The following DPYD variants were observed in gnomAD, a reference collection of about 807,000 sequenced individuals.
DPYD encodes the protein dihydropyrimidine dehydrogenase [NADP(+)].
Under a neutral mutation model 116.2 loss-of-function variants are expected in DPYD, and 109 were observed. That is an observed-to-expected ratio of 0.94 (90% CI 0.80 to 1.10). DPYD has a LOEUF of 1.10. Ranked by LOEUF, DPYD falls within the 50% of genes least tolerant of loss-of-function variation. DPYD has a pLI of 0.00. For missense variants in DPYD, 1,302 were observed against 1,254.5 expected (o/e 1.04, Z -0.57); for synonymous variants, 440 against 432.0 (o/e 1.02, Z -0.23).
At chr1:97,436,036 C>G (rs1405184678) in intron 14 of DPYD, among the ~76,000 whole-genome samples, 1 of 151,958 alleles carries the variant, frequency 6.6e-6, no homozygotes, top group Non-Finnish European at 1.5e-5. Flanking sequence ...AAATTGCTTA[C>G]AAATTAGCAG....
intron 18 of DPYD, among the ~76,000 whole-genome samples, chr1:97,256,809 T>C (rs1437797197): frequency 6.6e-6 from 1 of 152,124 alleles, no homozygotes; most frequent in East Asian, 1.9e-4. Flanking sequence ...AAGTGTGGAT[T>C]GCTTAAAGTC....
chr1:97,540,723 C>T (rs1212039062), intron 12 of DPYD, among the ~76,000 whole-genome samples: 3 of 152,152 alleles, frequency 2.0e-5, no homozygotes, highest in Non-Finnish European at 2.9e-5. Flanking sequence ...TGACTCTCCC[C>T]GGAGGTTGGG....
chr1:97,794,929 T>C (rs1348005980), intron 3 of DPYD, among the ~76,000 whole-genome samples: 1 of 152,190 alleles, frequency 6.6e-6, no homozygotes, highest in East Asian at 1.9e-4. Flanking sequence ...TGTTAGTGAT[T>C]AGAATATATT....
intron 18 of DPYD, among the ~76,000 whole-genome samples, chr1:97,264,162 GTTTTTTTTTTTTTTTTTTT>G (rs71071641): frequency 8.3e-5 from 5 of 60,088 alleles, no homozygotes; most frequent in African/African-American, 1.9e-4. Context: ...GCAAAATTCT[GTTTTTTTTTTTTTTTTTTT>G]TTTTTTTTTT....
intron 8 of DPYD, among the ~76,000 whole-genome samples, chr1:97,659,762 T>C (rs1296962467): frequency 6.6e-6 from 1 of 152,196 alleles, no homozygotes; most frequent in African/African-American, 2.4e-5. Flanking sequence ...TTTGAATGAA[T>C]GCTAAATTAC....
chr1:97,510,653 C>G (rs1647718058), intron 13 of DPYD, among the ~76,000 whole-genome samples: 1 of 151,938 alleles, frequency 6.6e-6, no homozygotes, highest in Non-Finnish European at 1.5e-5. Flanking sequence ...TGCAATAATC[C>G]TTCCCTACTT....
intron 16 of DPYD, among the ~76,000 whole-genome samples, chr1:97,369,636 A>T (rs1246494121): frequency 6.6e-6 from 1 of 152,176 alleles, no homozygotes; most frequent in Non-Finnish European, 1.5e-5. Context: ...AAGAAGAGTC[A>T]TATTTTATTT....
At chr1:97,478,049 TC>T (rs926312138) in intron 13 of DPYD, among the ~76,000 whole-genome samples, 1 of 152,194 alleles carries the variant, frequency 6.6e-6, no homozygotes, top group Non-Finnish European at 1.5e-5. Context: ...TCAAAATTAC[TC>T]CATGATCCAT....
chr1:97,662,534 G>C (rs562018014), intron 8 of DPYD, among the ~76,000 whole-genome samples: 1 of 152,156 alleles, frequency 6.6e-6, no homozygotes, highest in South Asian at 2.1e-4. Flanking sequence ...TCGGGAAGCT[G>C]AGGCAGGAGA....
intron 8 of DPYD, among the ~76,000 whole-genome samples, chr1:97,626,822 A>G (rs1369099522): frequency 6.6e-6 from 1 of 152,122 alleles, no homozygotes; most frequent in African/African-American, 2.4e-5. Context: ...TTCCCAAAGC[A>G]TCTCAGTAAA....
At chr1:97,400,666 G>A (rs979961322) in intron 14 of DPYD, among the ~76,000 whole-genome samples, 21 of 152,058 alleles carry the variant, frequency 1.4e-4, no homozygotes, top group Non-Finnish European at 2.4e-4. Context: ...CTTCTTCCTG[G>A]TTTAGTCTTG....
At chr1:97,785,139 TAGAAAG>T (rs1666951934) in intron 3 of DPYD, among the ~76,000 whole-genome samples, 1 of 152,182 alleles carries the variant, frequency 6.6e-6, no homozygotes, top group Non-Finnish European at 1.5e-5. Flanking sequence ...CTTTTATTTG[TAGAAAG>T]AGAAAAACAT....
intron 20 of DPYD, among the ~76,000 whole-genome samples, chr1:97,165,904 TA>T (rs1656287120): frequency 7.4e-6 from 1 of 135,142 alleles, no homozygotes; most frequent in Non-Finnish European, 1.6e-5. Context: ...TGACTACTAT[TA>T]AAAAGTTAAA....
chr1:97,512,932 T>A (rs1211134860), intron 13 of DPYD, among the ~76,000 whole-genome samples: 2 of 151,840 alleles, frequency 1.3e-5, no homozygotes, highest in East Asian at 1.9e-4. Flanking sequence ...AGAATATAGT[T>A]AATAAAAGCC....
At position 97,079,022 on chromosome 1, in the gene DPYD, T is replaced by C; in HGVS notation, c.3032A>G (p.Tyr1011Cys). The change falls in exon 23 of 23, where the codon TAT becomes TGT. Residue 1011 changes from tyrosine (Y) to cysteine (C), a missense_variant. Tyr to Cys is a radical substitution (Grantham distance 194). Transcript: ENST00000370192. ...CIKMVSRTTP[Y>C]EPKRGVPLSV... ...TAAGGGTACGCCTCTCTTTGGTTCA[T>C]AAGGTGTTGTCCTGGAAACCATTTT... 2 of 1,613,742 alleles carry C rather than the reference T, an allele frequency of 1.2e-6. No homozygotes were observed. The highest frequency in any genetic ancestry group is 1.3e-5 in the African/African-American group (1 of 75,004).
rs187604748 is a variant in DPYD, at chr1:97,312,183, C to G, written c.2059-5886G>C. Among the ~76,000 whole-genome samples the G allele has an allele frequency of 9.3e-4, 141 of 151,690 alleles. 2 individuals carry two copies. The South Asian group carries it at 0.021, about 22-fold the overall frequency. On this transcript the variant is annotated intron_variant, in intron 16 of 22. Transcript: ENST00000370192. ...ATGACCAGCAAATATGAAAAGACAT[C>G]GAATCTCGCTAGTAATTAGAAAAAC... is the stretch of plus-strand genomic sequence containing the variant.
At chr1:97,265,845 CTA>C (rs1664194855) in intron 18 of DPYD, among the ~76,000 whole-genome samples, 5 of 152,096 alleles carry the variant, frequency 3.3e-5, no homozygotes, top group Non-Finnish European at 5.9e-5. Context: ...TTGATACTCT[CTA>C]CTTAGATGAC....
intron 20 of DPYD, among the ~76,000 whole-genome samples, chr1:97,118,377 C>A (rs1030227572): frequency 6.6e-6 from 1 of 152,014 alleles, no homozygotes; most frequent in Admixed American, 6.6e-5. Context: ...ACTCTCTTTC[C>A]ATTTCTCTTT....
chr1:97,870,999 T>G (rs1378204613), intron 2 of DPYD, among the ~76,000 whole-genome samples: 1 of 151,914 alleles, frequency 6.6e-6, no homozygotes, highest in East Asian at 1.9e-4. Flanking sequence ...ACCAAATAAA[T>G]GTTTTGCAAA....
Sources: allele counts gnomAD v4.1 joint callset (sites outside exome capture counted in the v4.1 genomes callset), GRCh38; gene constraint gnomAD v4.1.1; transcripts MANE v1.5; gene names NCBI Gene and HGNC (gene_info 2026-07-23, HGNC 2026-07-21).